Variants in DSCAML1 observed in about 807,000 individuals in gnomAD.
The protein encoded by DSCAML1 is DS cell adhesion molecule like 1.
A neutral mutation model predicts 200.5 loss-of-function variants in DSCAML1; 38 were observed. The ratio of observed to expected loss-of-function variants is 0.19; its 90% CI spans 0.15 to 0.25. The LOEUF is 0.25. Ranked by LOEUF, DSCAML1 falls within the 10% of genes least tolerant of loss-of-function variation. The pLI is 1.00. For missense variants in DSCAML1, 2,223 were observed against 2,858.8 expected, an observed-to-expected ratio of 0.78 and a Z score of 5.07; for synonymous variants, 1,215 against 1,165.0, an observed-to-expected ratio of 1.04 and a Z score of -0.87.
At chr11:117,615,651 T>C (rs1325953407) in intron 3 of DSCAML1, among the ~76,000 whole-genome samples, 1 of 151,774 alleles carries the variant, frequency 6.6e-6, no homozygotes, top group East Asian at 1.9e-4. Context: ...TTGTACCAGA[T>C]TGTAGAAGGA....
At chr11:117,644,758 G>T (rs11216480) in intron 3 of DSCAML1, among the ~76,000 whole-genome samples, 1 of 152,160 alleles carries the variant, frequency 6.6e-6, no homozygotes, top group Non-Finnish European at 1.5e-5. Context: ...TGGAGCTGAA[G>T]GGGCACCCCC....
chr11:117,660,111 C>T (rs934397460), intron 3 of DSCAML1, among the ~76,000 whole-genome samples: 5 of 152,324 alleles, frequency 3.3e-5, no homozygotes, highest in African/African-American at 1.2e-4. Context: ...TCTCTCCTGT[C>T]TCTTCTCCCC....
chr11:117,587,062 A>G (rs1201528807), intron 3 of DSCAML1, among the ~76,000 whole-genome samples: 1 of 152,150 alleles, frequency 6.6e-6, no homozygotes, highest in Non-Finnish European at 1.5e-5. Flanking sequence ...AGGTGGCCAC[A>G]TCACGCAGGA....
chr11:117,626,923 A>G (rs1218818957), intron 3 of DSCAML1, among the ~76,000 whole-genome samples: 2 of 152,178 alleles, frequency 1.3e-5, no homozygotes, highest in Non-Finnish European at 2.9e-5. Context: ...TCCTCCAGGA[A>G]GGAAGAGAGA....
chr11:117,630,782 C>A lies in DSCAML1; in HGVS notation c.512-98260G>T, dbSNP rs560608952. 9.2e-5 allele frequency among the ~76,000 whole-genome samples: 14 copies of A among 151,658 alleles called. No individual in the cohort carries two copies. In the South Asian group the frequency reaches 2.7e-3, roughly 29 times the overall value. The stretch of plus-strand genomic sequence containing the variant: ...AGAATGAGCCTTTCCTGAAAAGCAT[C>A]CCCATTGGACCATTTTAGATGGTGG... On this transcript the variant is annotated intron_variant, in intron 3 of 32. Coordinates refer to ENST00000651296, the MANE Select transcript of DSCAML1 (RefSeq NM_020693.4).
chr11:117,439,080 A>G (rs1404205969), intron 23 of DSCAML1, 97 bp from the exon 24 acceptor site: 3 of 1,356,168 alleles, frequency 2.2e-6, no homozygotes, highest in African/African-American at 2.9e-5. Flanking sequence ...GCTCTCCCAC[A>G]CCCTCACTCC....
chr11:117,654,340 G>A (rs1591366758), intron 3 of DSCAML1, among the ~76,000 whole-genome samples: 1 of 152,146 alleles, frequency 6.6e-6, no homozygotes, highest in African/African-American at 2.4e-5. Flanking sequence ...TGGGTGTATT[G>A]TATGGTATAA....
At chr11:117,632,881 G>T (rs1015698159) in intron 3 of DSCAML1, among the ~76,000 whole-genome samples, 11 of 152,178 alleles carry the variant, frequency 7.2e-5, no homozygotes, top group African/African-American at 2.4e-4. Context: ...CTAAGAGGAG[G>T]ACATTATTTA....
At chr11:117,542,847 C>G (rs2050298192) in intron 3 of DSCAML1, among the ~76,000 whole-genome samples, 1 of 152,214 alleles carries the variant, frequency 6.6e-6, no homozygotes, top group Admixed American at 6.5e-5. Flanking sequence ...AGTGGAAGAG[C>G]CTGGACTCAC....
chr11:117,567,148 C>T (rs960509155), intron 3 of DSCAML1, among the ~76,000 whole-genome samples: 24 of 152,286 alleles, frequency 1.6e-4, no homozygotes, highest in South Asian at 4.1e-4. Flanking sequence ...CCTGAGGAAT[C>T]GCCACACTGA....
intron 20 of DSCAML1, among the ~76,000 whole-genome samples, chr11:117,444,312 A>C (rs1462424213): frequency 6.6e-6 from 1 of 152,188 alleles, no homozygotes; most frequent in Non-Finnish European, 1.5e-5. Context: ...GCTGTGGCTC[A>C]GGCCAGGGGA....
chr11:117,617,680 GCACACACACACACACACACA>G (rs36207373), intron 3 of DSCAML1, among the ~76,000 whole-genome samples: 4 of 142,908 alleles, frequency 2.8e-5, no homozygotes, highest in African/African-American at 1.1e-4. Context: ...ACAGGTACAC[GCACACACACACACACACACA>G]CACACACACA....
chr11:117,459,619 C>T (rs1298093323), intron 18 of DSCAML1, among the ~76,000 whole-genome samples: 4 of 152,240 alleles, frequency 2.6e-5, no homozygotes, highest in Non-Finnish European at 5.9e-5. Context: ...AACGTCCCAG[C>T]CCTGCAAGGA....
At chr11:117,745,097 A>G (rs1378905042) in intron 3 of DSCAML1, among the ~76,000 whole-genome samples, 1 of 151,768 alleles carries the variant, frequency 6.6e-6, no homozygotes, top group African/African-American at 2.4e-5. Context: ...TCCATTTTGT[A>G]TGAAGTTCAA....
chr11:117,814,668 C>T (rs989376042), intron 1 of DSCAML1, among the ~76,000 whole-genome samples: 1 of 152,194 alleles, frequency 6.6e-6, no homozygotes, highest in Non-Finnish European at 1.5e-5. Context: ...CCTCATGTAG[C>T]TTATAAGCAG....
chr11:117,798,182 G>C (rs1212390368), upstream of DSCAML1, among the ~76,000 whole-genome samples: 3 of 152,238 alleles, frequency 2.0e-5, no homozygotes, highest in Non-Finnish European at 4.4e-5. Flanking sequence ...AGCCAGGACT[G>C]TAGCTCCCTT....
At position 117,471,913 on chromosome 11, in the gene DSCAML1, C is replaced by G; in HGVS notation, c.2909G>C (p.Arg970Pro). The G allele has an allele frequency of 6.2e-7, 1 of 1,610,412 alleles. No individual in the cohort carries two copies. The highest frequency in any genetic ancestry group is 8.5e-7 in the Non-Finnish European group (1 of 1,178,708). Residue 970 changes from arginine (R) to proline (P), a missense_variant, in exon 15 of 33, where the codon CGC becomes CCC. Transcript: ENST00000651296. The part of the protein sequence containing the change: ...IRMYSFNKIG[R>P]SEPSKELTIS... ...GGTGAGCTCCTTGCTTGGTTCACTGCGGCCAATCTTGTTGAAAGAGTACAT... is the reference window on the plus strand; with the variant it reads ...GGTGAGCTCCTTGCTTGGTTCACTGGGGCCAATCTTGTTGAAAGAGTACAT...
intron 3 of DSCAML1, among the ~76,000 whole-genome samples, chr11:117,544,208 A>C (rs911028835): frequency 5.3e-5 from 8 of 152,180 alleles, no homozygotes; most frequent in African/African-American, 9.7e-5. Flanking sequence ...AAGTACCTCA[A>C]CTGGCCCCCA....
At chr11:117,804,324 C>G (rs1260909788) in intron 1 of DSCAML1, among the ~76,000 whole-genome samples, 5 of 152,222 alleles carry the variant, frequency 3.3e-5, no homozygotes, top group Non-Finnish European at 5.9e-5. Flanking sequence ...TACACCGACC[C>G]AACAGGTGTC....
Sources: allele counts gnomAD v4.1 joint callset (sites outside exome capture counted in the v4.1 genomes callset), GRCh38; gene constraint gnomAD v4.1.1; transcripts MANE v1.5; gene names NCBI Gene and HGNC (gene_info 2026-07-23, HGNC 2026-07-21).